The following RAB2A variants were observed in gnomAD, a reference collection of about 807,000 sequenced individuals.
RAB2A encodes ras-related protein Rab-2A.
RAB2A carries 7 observed loss-of-function variants against 32.5 expected under a neutral mutation model. That is an observed-to-expected ratio of 0.22 (90% CI 0.12 to 0.40). RAB2A has a LOEUF of 0.40. Among genes scored for constraint, RAB2A ranks in the 10% least tolerant of loss-of-function variants. The probability of loss-of-function intolerance (pLI) is 1.00; values close to 1 mark genes in which losing one functional copy is unlikely to be tolerated. For missense variants in RAB2A, 108 were observed against 260.7 expected, an observed-to-expected ratio of 0.41 and a Z score of 4.03; for synonymous variants, 79 against 85.2, an observed-to-expected ratio of 0.93 and a Z score of 0.40.
At chr8:60,573,364 A>G (rs2130841287) in intron 3 of RAB2A, among the ~76,000 whole-genome samples, 1 of 152,334 alleles carries the variant, frequency 6.6e-6, no homozygotes, top group Non-Finnish European at 1.5e-5. Context: ...AGCCATTGAA[A>G]GAAGGAACCT....
At chr8:60,614,184 AC>A (rs996858538) in intron 6 of RAB2A, among the ~76,000 whole-genome samples, 1 of 150,786 alleles carries the variant, frequency 6.6e-6, no homozygotes, top group Admixed American at 6.6e-5. Flanking sequence ...TATTTTAAAG[AC>A]CCTGTTAGCA....
chr8:60,579,246 T>C (rs561348181), intron 3 of RAB2A, among the ~76,000 whole-genome samples: 2 of 152,214 alleles, frequency 1.3e-5, no homozygotes, highest in African/African-American at 4.8e-5. Flanking sequence ...TTTCACCATG[T>C]TGGCCAGGCT....
At chr8:60,551,034 C>A (rs1459995798) in intron 1 of RAB2A, among the ~76,000 whole-genome samples, 1 of 152,164 alleles carries the variant, frequency 6.6e-6, no homozygotes. Context: ...TATTTCCTCA[C>A]CTCCTTTAAA....
chr8:60,618,774 A>G (rs1244097075), intron 7 of RAB2A, 126 bp downstream of exon 7: 1 of 308,872 alleles, frequency 3.2e-6, no homozygotes, highest in East Asian at 1.2e-4. Flanking sequence ...AATCATGATA[A>G]TCAGTTAACA....
rs1359577580 is a variant in RAB2A, at chr8:60,546,579, A to G, written c.47-12273A>G. ...AGAGGAAACTTCAAGTGAAGAAGTG[A>G]TCCATGTTGGATTTTTGTCTTTGTT... On this transcript the variant is annotated intron_variant, in intron 1 of 7. Coordinates refer to ENST00000262646, the MANE Select transcript of RAB2A (RefSeq NM_002865.3). Among the ~76,000 whole-genome samples, 9 of 152,356 alleles carry G rather than the reference A, an allele frequency of 5.9e-5. 1 individual carries two copies. In the East Asian group the frequency reaches 1.7e-3, roughly 29 times the overall value.
At chr8:60,533,253 G>C (rs959140306) in intron 1 of RAB2A, among the ~76,000 whole-genome samples, 1 of 152,198 alleles carries the variant, frequency 6.6e-6, no homozygotes, top group Non-Finnish European at 1.5e-5. Flanking sequence ...GATAAGGCAG[G>C]TTCTACCCTG....
intron 1 of RAB2A, among the ~76,000 whole-genome samples, chr8:60,554,775 C>T (rs1023400194): frequency 3.9e-5 from 6 of 152,150 alleles, no homozygotes; most frequent in African/African-American, 1.4e-4. Context: ...ATTGCTTGAA[C>T]CCGGAAGGCG....
At chr8:60,604,358 T>C (rs1484716067) in intron 6 of RAB2A, among the ~76,000 whole-genome samples, 1 of 152,166 alleles carries the variant, frequency 6.6e-6, no homozygotes, top group Non-Finnish European at 1.5e-5. Context: ...AAAGGACTGA[T>C]ACAGAAAATT....
At chr8:60,560,141 G>T (rs1356267191) in intron 2 of RAB2A, among the ~76,000 whole-genome samples, 1 of 152,102 alleles carries the variant, frequency 6.6e-6, no homozygotes, top group Non-Finnish European at 1.5e-5. Flanking sequence ...CTAGAGTGAG[G>T]TGCGGTGGTG....
chr8:60,609,980 A>T (rs914687036), intron 6 of RAB2A, among the ~76,000 whole-genome samples: 2 of 151,672 alleles, frequency 1.3e-5, no homozygotes, highest in Non-Finnish European at 2.9e-5. Flanking sequence ...AAAAAAAAAA[A>T]AAAATCCAGA....
rs532010106 is a variant in RAB2A at position 60,547,437 on chromosome 8, C to T, written c.47-11415C>T. On this transcript the variant is annotated intron_variant, in intron 1 of 7. Transcript: ENST00000262646. Reference sequence around the variant, plus strand: ...TATACCTCCCAGACGGGGTGGTGGCCGGGCAGAGGGGCTCCTCACTTCCCA... The same window carrying T: ...TATACCTCCCAGACGGGGTGGTGGCTGGGCAGAGGGGCTCCTCACTTCCCA... Among the ~76,000 whole-genome samples the T allele has an allele frequency of 7.5e-3, 1,144 of 152,128 alleles. 13 individuals are homozygous for T. Among genetic ancestry groups the T allele is most frequent in the African/African-American group, 0.025 (1,042 of 41,492 alleles).
At chr8:60,577,319 G>C (rs546088735) in intron 3 of RAB2A, among the ~76,000 whole-genome samples, 2 of 152,156 alleles carry the variant, frequency 1.3e-5, no homozygotes, top group Non-Finnish European at 2.9e-5. Flanking sequence ...AAAGTGCTGG[G>C]ATTACAGCGT....
chr8:60,569,465 A>G (rs547231284), intron 2 of RAB2A, among the ~76,000 whole-genome samples: 1 of 152,300 alleles, frequency 6.6e-6, no homozygotes, highest in East Asian at 1.9e-4. Flanking sequence ...ATCTTTGTTT[A>G]AAGATTTTAA....
chr8:60,556,130 T>C (rs1807934115), intron 1 of RAB2A, among the ~76,000 whole-genome samples: 1 of 152,200 alleles, frequency 6.6e-6, no homozygotes, highest in Non-Finnish European at 1.5e-5. Context: ...TACTGCATGT[T>C]CTCGTATCCA....
rs894655975 is a variant in RAB2A at position 60,616,129 on chromosome 8, A to C, written c.475-2451A>C. On this transcript the variant is annotated intron_variant, in intron 6 of 7. Transcript: ENST00000262646. ...AAAAAAATACTGTATGTACATCCTT[A>C]ATTCATCTGGTACAACTATGTTTAA... Among the ~76,000 whole-genome samples the C allele has an allele frequency of 2.0e-5, 3 of 152,286 alleles. 1 individual carries two copies. The highest frequency in any genetic ancestry group is 2.0e-4 in the Admixed American group (3 of 15,278).
chr8:60,552,002 T>TTTTTTTTTTTTTTG lies in RAB2A; in HGVS notation c.47-6837_47-6836insGTTTTTTTTTTTTT, dbSNP rs1554553379. Reference sequence around the variant, plus strand: ...CCTCAGCCTCTTGAGTAGCTGGGAGTTTTTTTTTTTTTTTTTTTAAGATGG... The same window carrying TTTTTTTTTTTTTTG: ...CCTCAGCCTCTTGAGTAGCTGGGAGTTTTTTTTTTTTTTGTTTTTTTTTTTTTTTTTTAAGATGG... On this transcript the variant is annotated intron_variant, in intron 1 of 7. Coordinates refer to ENST00000262646, the MANE Select transcript of RAB2A (RefSeq NM_002865.3). 40 of 100,272 alleles carry TTTTTTTTTTTTTTG rather than the reference T, an allele frequency of 4.0e-4. 1 individual carries two copies. Among genetic ancestry groups the TTTTTTTTTTTTTTG allele is most frequent in the Non-Finnish European group, 6.2e-4 (34 of 55,076 alleles). 6.2% of individuals were successfully genotyped at this position (100,272 alleles called of 1,614,324 possible). A position where few individuals can be genotyped will look rare whatever the true frequency, so the allele number is the denominator to read the frequency against.
intron 1 of RAB2A, chr8:60,558,546 G>A (rs966155301): frequency 2.0e-6 from 1 of 500,218 alleles, no homozygotes. Context: ...CACAAAAACA[G>A]TACTGTAGTA....
chr8:60,519,330 G>A (rs1279360157), intron 1 of RAB2A, among the ~76,000 whole-genome samples: 4 of 150,496 alleles, frequency 2.7e-5, no homozygotes, highest in East Asian at 1.9e-4. Flanking sequence ...CTTCTTTCCC[G>A]CTATTCCCCA....
intron 1 of RAB2A, among the ~76,000 whole-genome samples, chr8:60,520,429 A>G (rs1333211291): frequency 3.9e-5 from 6 of 152,248 alleles, no homozygotes; most frequent in African/African-American, 1.4e-4. Flanking sequence ...ACGAATCTAT[A>G]GTAATTTTTC....
Sources: allele counts gnomAD v4.1 joint callset (sites outside exome capture counted in the v4.1 genomes callset), GRCh38; gene constraint gnomAD v4.1.1; transcripts MANE v1.5; gene names NCBI Gene and HGNC (gene_info 2026-07-23, HGNC 2026-07-21).